Variants in ATAD3A observed in about 807,000 individuals in gnomAD.
ATAD3A encodes the protein ATPase family AAA domain containing 3A.
A neutral mutation model predicts 73.8 loss-of-function variants in ATAD3A; 46 were observed. That is an observed-to-expected ratio of 0.62 (90% confidence interval 0.49 to 0.80). The LOEUF is 0.80. Among genes scored for constraint, ATAD3A ranks in the 30% least tolerant of loss-of-function variants. The pLI is 0.00. For synonymous variants in ATAD3A, 319 were observed against 350.0 expected (o/e 0.91, Z 0.99); for missense variants, 705 against 838.0 (o/e 0.84, Z 1.96).
At chr1:1,519,143 C>T (rs1207217951) in intron 5 of ATAD3A, among the ~76,000 whole-genome samples, 153 bp downstream of exon 5, 1 of 151,768 alleles carries the variant, frequency 6.6e-6, no homozygotes, top group Admixed American at 6.6e-5. Context: ...GGGGCTGCCT[C>T]TCGGAAGACA....
chr1:1,521,723 C>A (rs1370835273), intron 7 of ATAD3A, among the ~76,000 whole-genome samples: 2 of 152,230 alleles, frequency 1.3e-5, no homozygotes, highest in African/African-American at 4.8e-5. Context: ...TTTTTAGAGA[C>A]AGGGTCTTGC....
At chr1:1,527,996 G>C in intron 14 of ATAD3A, 134 bp downstream of exon 14, 3 of 1,135,386 alleles carry the variant, frequency 2.6e-6, no homozygotes, top group Non-Finnish European at 3.5e-6. Flanking sequence ...TCTCATTCTT[G>C]TCGCCCAGGC....
rs953752592 is a variant in ATAD3A, at chr1:1,527,061, C to T, written c.1337+530C>T. 2.1e-4 allele frequency: 167 copies of T among 777,742 alleles called. No homozygotes were observed. The Middle Eastern group carries it at 3.2e-3, about 15-fold the overall frequency. The allele number at this position is 777,742 out of a possible 1,614,324, so 48.2% of individuals were successfully genotyped here. A position where few individuals can be genotyped will look rare whatever the true frequency, so the allele number is the denominator to read the frequency against. On this transcript the variant is annotated intron_variant, in intron 13 of 15. Coordinates refer to ENST00000378756, the MANE Select transcript of ATAD3A (RefSeq NM_001170535.3). Reference sequence around the variant, plus strand: ...TTTGTGTGGCCTCTGTGGGCTGCCGCCCAGAGGTCCCCCATAGGGTGACCG... The same window carrying T: ...TTTGTGTGGCCTCTGTGGGCTGCCGTCCAGAGGTCCCCCATAGGGTGACCG...
Position 1,522,819 on chromosome 1 carries a change from G to C in ATAD3A, c.826G>C (p.Glu276Gln). 2.5e-6 allele frequency: 4 copies of C among 1,611,000 alleles called. No homozygotes were observed. The highest frequency in any genetic ancestry group is 3.4e-6 in the Non-Finnish European group (4 of 1,179,752). The change falls in exon 8 of 16, where the codon GAG becomes CAG. Residue 276 changes from glutamate to glutamine, a missense_variant. Transcript: ENST00000378756. ...CACGCTTGTCGCCGGCCGCTTCATC[G>C]AGGCTCGGCTGGGGAAGCCGTCCCT... Reference protein sequence around the residue: ...NATLVAGRFIEARLGKPSLVR... With the variant: ...NATLVAGRFIQARLGKPSLVR...
intron 1 of ATAD3A, among the ~76,000 whole-genome samples, chr1:1,514,771 T>C (rs1483278537): frequency 6.6e-6 from 1 of 152,186 alleles, no homozygotes; most frequent in Non-Finnish European, 1.5e-5. Context: ...CTTAAAAAAG[T>C]GAGACGGGCT....
rs899349340 is a variant in ATAD3A, at chr1:1,520,963, G to T, written c.750+346G>T. Among the ~76,000 whole-genome samples the T allele has an allele frequency of 5.9e-5, 9 of 152,106 alleles. 1 individual carries two copies. Among genetic ancestry groups the T allele is most frequent in the East Asian group, 3.9e-4 (2 of 5,176 alleles). On this transcript the variant is annotated intron_variant, in intron 7 of 15. Transcript: ENST00000378756. The surrounding 1 kb of genome is among the most constrained non-coding windows in gnomAD (Gnocchi z 4.0). Reference sequence around the variant, plus strand: ...GCAGCTGCACTGAGCTGAGATCGCAGCACTGCACTCCATCCTGGGCGACAA... The same window carrying T: ...GCAGCTGCACTGAGCTGAGATCGCATCACTGCACTCCATCCTGGGCGACAA...
rs1641890547 is a variant in ATAD3A, at chr1:1,527,547, T to C, written c.1338-148T>C. ...CAGGCCGGGGGACAGCTGGGTGCAG[T>C]GGGGCAGGTGGCCGACCAGGGCTGT... On this transcript the variant is annotated intron_variant, in intron 13 of 15. Transcript: ENST00000378756. 3.3e-6 allele frequency: 4 copies of C among 1,203,558 alleles called. No individual in the cohort carries two copies. In the African/African-American group the frequency reaches 4.6e-5, roughly 14 times the overall value. The allele number at this position is 1,203,558 out of a possible 1,614,324, so 74.6% of individuals were successfully genotyped here. A position where few individuals can be genotyped will look rare whatever the true frequency, so the allele number is the denominator to read the frequency against.
Position 1,523,368 on chromosome 1 carries a change from C to T in ATAD3A, c.907-143C>T. The T allele has an allele frequency of 7.3e-7, 1 of 1,376,148 alleles. No individual in the cohort carries two copies. Among genetic ancestry groups the T allele is most frequent in the Non-Finnish European group, 9.9e-7 (1 of 1,006,540 alleles). 85.2% of individuals were successfully genotyped at this position (1,376,148 alleles called of 1,614,324 possible). A position where few individuals can be genotyped will look rare whatever the true frequency, so the allele number is the denominator to read the frequency against. ...ATAGCCGCCTGGTCTCCGGGCGGGG[C>T]AGGGTTCCAGCTCCGGGCCGGTCCT... On this transcript the variant is annotated intron_variant, in intron 8 of 15. Transcript: ENST00000378756. The surrounding 1 kb of genome is among the most constrained non-coding windows in gnomAD (Gnocchi z 5.1).
chr1:1,529,781 C>T (rs1217705772), intron 15 of ATAD3A, among the ~76,000 whole-genome samples: 1 of 152,210 alleles, frequency 6.6e-6, no homozygotes, highest in East Asian at 1.9e-4. Context: ...TGGGAGTGGC[C>T]TCTGGTTGTC....
At chr1:1,518,652 A>AC (rs1368661177) in intron 4 of ATAD3A, among the ~76,000 whole-genome samples, 1 of 11,512 alleles carries the variant, frequency 8.7e-5, no homozygotes, top group Admixed American at 9.2e-4. Context: ...CAACCCCCCC[A>AC]CCCCCCGCAC....
intron 4 of ATAD3A, among the ~76,000 whole-genome samples, chr1:1,518,425 A>C (rs1230835773): frequency 8.2e-5 from 11 of 133,656 alleles, no homozygotes; most frequent in African/African-American, 2.3e-4. Context: ...ACGGACACAC[A>C]CACACCCACA....
intron 1 of ATAD3A, 122 bp from the exon 2 acceptor site, chr1:1,515,890 G>A (rs1280846108): frequency 1.9e-6 from 2 of 1,047,596 alleles, no homozygotes; most frequent in East Asian, 2.6e-5. Flanking sequence ...GGGAGGCAGG[G>A]CTGGGGGCTT....
At chr1:1,529,011 T>C (rs1409048991) in intron 14 of ATAD3A, among the ~76,000 whole-genome samples, 4 of 152,176 alleles carry the variant, frequency 2.6e-5, no homozygotes, top group African/African-American at 7.2e-5. Flanking sequence ...TGAGGAGTGG[T>C]TGGGGCCATC....
Position 1,527,797 on chromosome 1 carries a change from A to G in ATAD3A, c.1440A>G (p.Glu480=), listed in dbSNP as rs1316090070. 2 of 1,614,032 alleles carry G rather than the reference A, an allele frequency of 1.2e-6. No homozygotes were observed. Among genetic ancestry groups the G allele is most frequent in the Non-Finnish European group, 1.7e-6 (2 of 1,179,972 alleles). The change falls in exon 14 of 16, where the codon GAA becomes GAG. Residue 480 remains glutamate, a synonymous_variant. Coordinates refer to ENST00000378756, the MANE Select transcript of ATAD3A (RefSeq NM_001170535.3). Reference sequence around the variant, plus strand: ...ACTTCGACCTGCCAGGGCAGGAGGAACGGGAGCGCCTGGTGAGAATGTATT... The same window carrying G: ...ACTTCGACCTGCCAGGGCAGGAGGAGCGGGAGCGCCTGGTGAGAATGTATT... ...MVHFDLPGQE[E]RERLVRMYFD... is the part of the protein sequence containing the mutation.
At chr1:1,527,903 G>GCT (rs1557476253) in intron 14 of ATAD3A, 41 bp downstream of exon 14, 1 of 1,587,614 alleles carries the variant, frequency 6.3e-7, no homozygotes, top group South Asian at 1.1e-5. Flanking sequence ...AGGGGCCCTC[G>GCT]CTCAGGGTCC....
At chr1:1,525,464 G>A (rs1324640069) in intron 12 of ATAD3A, among the ~76,000 whole-genome samples, 173 bp downstream of exon 12, 1 of 150,686 alleles carries the variant, frequency 6.6e-6, no homozygotes, top group Non-Finnish European at 1.5e-5. Context: ...ACCCAGGCTG[G>A]AGTGCAATGG....
chr1:1,527,001 A>G (rs1317277842), intron 13 of ATAD3A, among the ~76,000 whole-genome samples: 1 of 152,098 alleles, frequency 6.6e-6, no homozygotes, highest in Admixed American at 6.5e-5. Context: ...GATGCTGGCC[A>G]AGGGTGCACC....
rs1284969455 is a variant in ATAD3A, at chr1:1,534,426, C to G, written c.*354C>G. 8.6e-6 allele frequency: 11 copies of G among 1,278,400 alleles called. No homozygotes were observed. In the East Asian group the frequency reaches 2.9e-4, roughly 34 times the overall value. The allele number at this position is 1,278,400 out of a possible 1,614,324, so 79.2% of individuals were successfully genotyped here. Reference sequence around the variant, plus strand: ...AGCCCCCGGGGCAGCAGGAGCCAGGCAGGTGATGTCTTTGTTCTCGGCTCC... The same window carrying G: ...AGCCCCCGGGGCAGCAGGAGCCAGGGAGGTGATGTCTTTGTTCTCGGCTCC... On this transcript the variant is annotated 3_prime_UTR_variant, in exon 16 of 16. Transcript: ENST00000378756.
intron 15 of ATAD3A, among the ~76,000 whole-genome samples, chr1:1,532,476 C>T (rs1270449147): frequency 6.6e-6 from 1 of 152,248 alleles, no homozygotes; most frequent in East Asian, 1.9e-4. Flanking sequence ...AGCACAGAGA[C>T]TTCCTGGGCC....
Sources: gnomAD v4.1 joint callset for allele counts (sites outside exome capture counted in the v4.1 genomes callset) on GRCh38, gnomAD v4.1.1 for gene constraint, Gnocchi (gnomAD v3.1) non-coding constraint, MANE v1.5 for transcripts, NCBI Gene and HGNC (gene_info 2026-07-23, HGNC 2026-07-21) for gene names.